Variants in NLRP5 observed in about 807,000 individuals in gnomAD.
NLRP5 encodes the protein NLR family pyrin domain containing 5, also known as NACHT, LRR and PYD domains-containing protein 5.
In NLRP5, 93 loss-of-function variants were observed where a neutral mutation model predicts 113.1. The observed-to-expected ratio is 0.82, with a 90% CI of 0.70 to 0.98. NLRP5 has a LOEUF of 0.98. NLRP5 is among the 50% of genes least tolerant of loss of function. The pLI is 0.00. For synonymous variants in NLRP5, 751 were observed against 600.7 expected, an observed-to-expected ratio of 1.25 and a Z score of -3.66; for missense variants, 1,808 against 1,514.3, an observed-to-expected ratio of 1.19 and a Z score of -3.22.
chr19:56,015,274 A>C (rs149807560), intron 3 of NLRP5, among the ~76,000 whole-genome samples: 16,544 of 152,054 alleles, frequency 0.11, 1,168 homozygotes, highest in African/African-American at 0.18. Context: ...CGGCTCACTG[A>C]AACCTCTGCC....
intron 9 of NLRP5, among the ~76,000 whole-genome samples, chr19:56,034,116 C>T (rs974874923): frequency 5.3e-5 from 8 of 152,080 alleles, no homozygotes; most frequent in African/African-American, 1.7e-4. Flanking sequence ...GGGCCGGGCG[C>T]GGTGGCTCAC....
chr19:56,010,253 C>A (rs934616594), intron 3 of NLRP5, among the ~76,000 whole-genome samples: 1 of 152,088 alleles, frequency 6.6e-6, no homozygotes, highest in African/African-American at 2.4e-5. Flanking sequence ...GCAGCGAGAC[C>A]CAGAAGCTCA....
chr19:56,008,028 G>A (rs77400663), intron 2 of NLRP5, among the ~76,000 whole-genome samples: 51,020 of 103,918 alleles, frequency 0.49, 15,436 homozygotes, highest in Non-Finnish European at 0.62. Context: ...TCCCGGGTTC[G>A]TGCCATTCTC....
intron 10 of NLRP5, among the ~76,000 whole-genome samples, chr19:56,040,363 T>C (rs1426106250): frequency 6.6e-6 from 1 of 152,150 alleles, no homozygotes; most frequent in Non-Finnish European, 1.5e-5. Context: ...GGAGGCCAGC[T>C]TCGAGACCAG....
At chr19:56,054,618 T>G (rs1984060258) in intron 13 of NLRP5, among the ~76,000 whole-genome samples, 1 of 149,894 alleles carries the variant, frequency 6.7e-6, no homozygotes, top group Non-Finnish European at 1.5e-5. Context: ...GGATGAGCCT[T>G]GAAAACGTCG....
At position 56,007,615 on chromosome 19, in the gene NLRP5, A is replaced by G. The variant is rs368644646; in HGVS notation, c.443-1173A>G. On this transcript the variant is annotated intron_variant, in intron 2 of 14. Coordinates refer to ENST00000390649, the MANE Select transcript of NLRP5 (RefSeq NM_153447.4). ...GGGACTAGAAGTCAGATAACATGGC[A>G]TCTTGAAAATACTTGTAATAGCAAG... Among the ~76,000 whole-genome samples, 158 of 151,332 alleles carry G rather than the reference A, an allele frequency of 1.0e-3. 5 individuals carry two copies. Among genetic ancestry groups the G allele is most frequent in the African/African-American group, 3.8e-3 (154 of 40,710 alleles).
At chr19:56,022,108 T>C (rs116482708) in intron 6 of NLRP5, among the ~76,000 whole-genome samples, 213 of 152,320 alleles carry the variant, frequency 1.4e-3, no homozygotes, top group African/African-American at 4.8e-3. Context: ...ACGAATAATA[T>C]ACACAAATAT....
At chr19:56,017,354 G>C (rs1982447650) in intron 4 of NLRP5, among the ~76,000 whole-genome samples, 1 of 150,030 alleles carries the variant, frequency 6.7e-6, no homozygotes, top group African/African-American at 2.5e-5. Flanking sequence ...CCCAAAAGGG[G>C]GTTCTTTCCT....
intron 4 of NLRP5, among the ~76,000 whole-genome samples, chr19:56,017,040 C>T (rs1254075292): frequency 6.6e-6 from 1 of 152,142 alleles, no homozygotes; most frequent in African/African-American, 2.4e-5. Flanking sequence ...GTCTCTTGAC[C>T]TCGTGATCCG....
At chr19:56,001,338 AAC>A (rs1981642693) in intron 1 of NLRP5, among the ~76,000 whole-genome samples, 9 of 149,022 alleles carry the variant, frequency 6.0e-5, no homozygotes, top group Admixed American at 1.3e-4. Flanking sequence ...AAAAAAAACA[AAC>A]AAAAAACACC....
intron 3 of NLRP5, among the ~76,000 whole-genome samples, chr19:56,009,175 C>T (rs62123590): frequency 0.049 from 7,415 of 151,414 alleles, 282 homozygotes; most frequent in South Asian, 0.078. Flanking sequence ...GTCGTCTCTA[C>T]TAAAAATACA....
chr19:55,987,706 G>GA, the NLRP5 span: 8 of 751,356 alleles, frequency 1.1e-5, no homozygotes, highest in African/African-American at 1.7e-5. Context: ...GGTGAGGTGG[G>GA]AGGGGTACGG....
At chr19:56,007,590 G>A (rs1277114971) in intron 2 of NLRP5, among the ~76,000 whole-genome samples, 2 of 150,846 alleles carry the variant, frequency 1.3e-5, no homozygotes, top group Admixed American at 6.6e-5. Context: ...TGAAGACGGA[G>A]GGACTAGAAG....
At chr19:56,047,142 T>G (rs1444687073) in intron 11 of NLRP5, among the ~76,000 whole-genome samples, 1 of 152,260 alleles carries the variant, frequency 6.6e-6, no homozygotes, top group Non-Finnish European at 1.5e-5. Flanking sequence ...CTTCTCTTCT[T>G]GGTTAATCTT....
At chr19:55,987,797 C>T in the NLRP5 span, 1 of 1,596,618 alleles carries the variant, frequency 6.3e-7, no homozygotes, top group Non-Finnish European at 8.6e-7. Context: ...CAGCAGCCTT[C>T]CTTTACCTCC....
intron 13 of NLRP5, 77 bp downstream of exon 13, chr19:56,053,885 G>T: frequency 7.4e-7 from 1 of 1,347,210 alleles, no homozygotes; most frequent in Non-Finnish European, 1.0e-6. Context: ...GCTTGAACAG[G>T]GATGATGATG....
chr19:55,996,206 G>A (rs1386239424), upstream of NLRP5, among the ~76,000 whole-genome samples: 1 of 152,154 alleles, frequency 6.6e-6, no homozygotes, highest in East Asian at 1.9e-4. Context: ...TGGGCACCCT[G>A]TGTGCCAGTT....
At chr19:56,024,540 T>C (rs568352710) in intron 6 of NLRP5, among the ~76,000 whole-genome samples, 14 of 147,212 alleles carry the variant, frequency 9.5e-5, no homozygotes, top group African/African-American at 3.2e-4. Context: ...CATATGTATA[T>C]GTATGTATAT....
chr19:56,010,977 C>G (rs1019460289), intron 3 of NLRP5, among the ~76,000 whole-genome samples: 2 of 151,678 alleles, frequency 1.3e-5, no homozygotes, highest in African/African-American at 4.9e-5. Context: ...TGTAGCAAGA[C>G]CCGACGTCTA....
Sources: allele counts gnomAD v4.1 joint callset (sites outside exome capture counted in the v4.1 genomes callset), GRCh38; gene constraint gnomAD v4.1.1; transcripts MANE v1.5; gene names NCBI Gene and HGNC (gene_info 2026-07-23, HGNC 2026-07-21).